The following SLC8A1 variants were observed in gnomAD, a reference collection of about 807,000 sequenced individuals.
SLC8A1 encodes the protein sodium/calcium exchanger 1.
Under a neutral mutation model 68.3 loss-of-function variants are expected in SLC8A1, and 18 were observed. The ratio of observed to expected loss-of-function variants is 0.26; its 90% CI spans 0.18 to 0.39. The LOEUF (loss-of-function observed/expected upper bound fraction) is 0.39, where lower values mean the gene tolerates loss of function less well. Among genes scored for constraint, SLC8A1 ranks in the 10% least tolerant of loss-of-function variants. The pLI is 1.00. For missense variants in SLC8A1, 985 were observed against 1,156.7 expected (o/e 0.85, Z 2.15); for synonymous variants, 475 against 415.5 (o/e 1.14, Z -1.74).
At chr2:40,472,287 C>T (rs758236271) in intron 1 of SLC8A1, among the ~76,000 whole-genome samples, 4 of 152,116 alleles carry the variant, frequency 2.6e-5, no homozygotes, top group Non-Finnish European at 4.4e-5. Flanking sequence ...CTGTGAGCTT[C>T]GTAAAATTGC....
At chr2:40,429,031 T>A (rs1697627571) in exon 2 of SLC8A1, 1 of 1,612,818 alleles carries the variant, frequency 6.2e-7, no homozygotes, top group African/African-American at 1.3e-5. Flanking sequence ...CTCCAGACAC[T>A]GATATGTCCC....
At chr2:40,274,111 T>A (rs1262443181) in intron 2 of SLC8A1, among the ~76,000 whole-genome samples, 2 of 149,800 alleles carry the variant, frequency 1.3e-5, no homozygotes, top group African/African-American at 2.5e-5. Context: ...GGCTGAAGAG[T>A]CTGGAGTCAG....
At chr2:40,156,413 T>C (rs1270343795) in intron 6 of SLC8A1, among the ~76,000 whole-genome samples, 1 of 146,742 alleles carries the variant, frequency 6.8e-6, no homozygotes, top group East Asian at 2.1e-4. Flanking sequence ...AAGATGCCAA[T>C]ACATACTATG....
In SLC8A1 at chr2:40,428,938, T is replaced by C; in HGVS notation, c.1343A>G (p.Asp448Gly). Residue 448 changes from aspartate (D) to glycine (G), a missense_variant, in exon 2 of 8, where the codon GAT becomes GGT. Physicochemically the swap from Asp to Gly is moderately conservative, Grantham distance 94. This residue lies in a region of SLC8A1 where 584 missense variants were observed against 565.9 expected (regional missense o/e 1.03). Transcript: ENST00000406785. ...ATCAGACCCAGCATTTGCTGTGCCA[T>C]CCTCTGTTCTGAAGTCAACAAACAC... is the stretch of plus-strand genomic sequence containing the variant. 2 of 1,613,874 alleles carry C rather than the reference T, an allele frequency of 1.2e-6. No individual in the cohort carries two copies. The highest frequency in any genetic ancestry group is 1.7e-6 in the Non-Finnish European group (2 of 1,179,894).
chr2:40,153,469 C>T (rs2043841538), intron 6 of SLC8A1, among the ~76,000 whole-genome samples: 1 of 152,158 alleles, frequency 6.6e-6, no homozygotes, highest in Non-Finnish European at 1.5e-5. Context: ...CTCTGTATCA[C>T]AGAGAATGGG....
At chr2:40,419,576 C>T (rs1012983912) in intron 2 of SLC8A1, among the ~76,000 whole-genome samples, 18 of 152,058 alleles carry the variant, frequency 1.2e-4, no homozygotes, top group African/African-American at 4.1e-4. Flanking sequence ...CTTTTTCTCT[C>T]TCTGTCAGGT....
At chr2:40,152,838 T>A (rs2043707440) in intron 6 of SLC8A1, among the ~76,000 whole-genome samples, 1 of 152,098 alleles carries the variant, frequency 6.6e-6, no homozygotes, top group Admixed American at 6.5e-5. Flanking sequence ...GGTGCCTGCC[T>A]GTAGTCCCAG....
intron 2 of SLC8A1, among the ~76,000 whole-genome samples, chr2:40,244,419 T>C (rs1198289991): frequency 6.6e-6 from 1 of 151,880 alleles, no homozygotes; most frequent in African/African-American, 2.4e-5. Context: ...AGGCTGGGAG[T>C]TGTCCGATGA....
intron 2 of SLC8A1, among the ~76,000 whole-genome samples, chr2:40,372,395 C>T (rs1269286075): frequency 1.3e-5 from 2 of 152,048 alleles, no homozygotes; most frequent in Non-Finnish European, 2.9e-5. Context: ...CACAAGTACA[C>T]GTGACACTTT....
At chr2:40,225,750 GC>G (rs2058895234) in intron 2 of SLC8A1, among the ~76,000 whole-genome samples, 1 of 152,126 alleles carries the variant, frequency 6.6e-6, no homozygotes. Context: ...GGAGGTGAAA[GC>G]CCCTCCCAAA....
intron 2 of SLC8A1, among the ~76,000 whole-genome samples, chr2:40,335,906 GAA>G (rs1665823583): frequency 6.6e-6 from 1 of 152,224 alleles, no homozygotes; most frequent in African/African-American, 2.4e-5. Flanking sequence ...ATTAAGTTTA[GAA>G]AGCACTACAC....
chr2:40,377,628 T>G (rs562565646), intron 2 of SLC8A1, among the ~76,000 whole-genome samples: 1 of 152,200 alleles, frequency 6.6e-6, no homozygotes, highest in African/African-American at 2.4e-5. Flanking sequence ...TCAAGTAATT[T>G]AAAATAGATT....
intron 2 of SLC8A1, among the ~76,000 whole-genome samples, chr2:40,256,110 C>T (rs546387399): frequency 6.6e-6 from 1 of 152,302 alleles, no homozygotes; most frequent in East Asian, 1.9e-4. Context: ...GCAATATCTG[C>T]ATAATCTTGC....
chr2:40,509,103 T>G (rs961010667), intron 1 of SLC8A1, among the ~76,000 whole-genome samples: 1 of 152,224 alleles, frequency 6.6e-6, no homozygotes, highest in African/African-American at 2.4e-5. Flanking sequence ...AAAACTACAT[T>G]GAAAATTCTC....
chr2:40,461,886 A>G (rs1390739534), intron 1 of SLC8A1, among the ~76,000 whole-genome samples: 1 of 152,060 alleles, frequency 6.6e-6, no homozygotes, highest in Non-Finnish European at 1.5e-5. Flanking sequence ...ATTCATCGTT[A>G]TAAGAAATCT....
chr2:40,311,899 A>C (rs2073752734), intron 2 of SLC8A1, among the ~76,000 whole-genome samples: 1 of 152,174 alleles, frequency 6.6e-6, no homozygotes, highest in South Asian at 2.1e-4. Flanking sequence ...AAACTCAGAA[A>C]ATAGTTCTAC....
chr2:40,213,561 G>T (rs966298781), intron 2 of SLC8A1: 1 of 152,210 alleles, frequency 6.6e-6, no homozygotes, highest in Non-Finnish European at 1.5e-5. Flanking sequence ...CTAAGATACT[G>T]AGGAAACTTG....
intron 1 of SLC8A1, among the ~76,000 whole-genome samples, chr2:40,449,218 A>G (rs764469175): frequency 5.9e-5 from 9 of 151,738 alleles, no homozygotes; most frequent in Non-Finnish European, 1.2e-4. Context: ...CCCAAAATGC[A>G]CTTACTTTGA....
intron 2 of SLC8A1, among the ~76,000 whole-genome samples, chr2:40,246,924 C>G (rs1257626188): frequency 7.1e-6 from 1 of 141,076 alleles, no homozygotes; most frequent in Non-Finnish European, 1.5e-5. Flanking sequence ...AGTTTGTACT[C>G]TAACATATTT....
Sources: gnomAD v4.1 joint callset for allele counts (sites outside exome capture counted in the v4.1 genomes callset) on GRCh38, gnomAD v4.1.1 for gene constraint, gnomAD v4.1.1 regional missense constraint, MANE v1.5 for transcripts, NCBI Gene and HGNC (gene_info 2026-07-23, HGNC 2026-07-21) for gene names.